The following FAF1 variants were observed in gnomAD, a reference collection of about 807,000 sequenced individuals.
FAF1 encodes FAS-associated factor 1.
In FAF1, 25 loss-of-function variants were observed where a neutral mutation model predicts 92.5. The observed-to-expected ratio is 0.27, with a 90% CI of 0.20 to 0.38. FAF1 has a LOEUF of 0.38. FAF1 is among the 10% of genes least tolerant of loss of function. The probability of loss-of-function intolerance (pLI) is 1.00; values close to 1 mark genes in which losing one functional copy is unlikely to be tolerated. For synonymous variants in FAF1, 234 were observed against 273.2 expected (o/e 0.86, Z 1.42); for missense variants, 636 against 793.3 (o/e 0.80, Z 2.38).
At chr1:50,459,249 C>T (rs1019331821) in intron 18 of FAF1, among the ~76,000 whole-genome samples, 2 of 152,068 alleles carry the variant, frequency 1.3e-5, no homozygotes, top group African/African-American at 2.4e-5. Context: ...GCTGGGATTA[C>T]AGGTATGAGC....
intron 17 of FAF1, among the ~76,000 whole-genome samples, chr1:50,481,968 T>A (rs1371010528): frequency 6.6e-6 from 1 of 152,130 alleles, no homozygotes; most frequent in African/African-American, 2.4e-5. Context: ...ATATATGGCT[T>A]TGGGAAGGAC....
intron 8 of FAF1, among the ~76,000 whole-genome samples, chr1:50,632,097 C>T (rs1653815861): frequency 6.6e-6 from 1 of 152,080 alleles, no homozygotes; most frequent in Non-Finnish European, 1.5e-5. Flanking sequence ...AGGGGGACTA[C>T]TGTATATCAA....
chr1:50,443,437 G>A (rs1443283786), intron 18 of FAF1, among the ~76,000 whole-genome samples: 1 of 152,182 alleles, frequency 6.6e-6, no homozygotes, highest in African/African-American at 2.4e-5. Context: ...CCTACTATAT[G>A]CCAGACAACA....
chr1:50,874,852 C>G (rs1644557902), intron 1 of FAF1, among the ~76,000 whole-genome samples: 1 of 143,624 alleles, frequency 7.0e-6, no homozygotes, highest in Admixed American at 7.2e-5. Flanking sequence ...TCACTGCAGC[C>G]TCAACCTCCC....
At chr1:50,692,153 A>G (rs1349691212) in intron 7 of FAF1, among the ~76,000 whole-genome samples, 5 of 151,784 alleles carry the variant, frequency 3.3e-5, no homozygotes, top group African/African-American at 1.2e-4. Context: ...GAGTTCGAGC[A>G]TGCAGTGAGC....
intron 8 of FAF1, among the ~76,000 whole-genome samples, chr1:50,632,562 C>T (rs1185363669): frequency 6.6e-6 from 1 of 152,176 alleles, no homozygotes; most frequent in Admixed American, 6.5e-5. Flanking sequence ...TCCAGTTTAA[C>T]TGTGAATTAC....
intron 8 of FAF1, among the ~76,000 whole-genome samples, chr1:50,618,766 T>G (rs1316696252): frequency 1.3e-5 from 2 of 151,634 alleles, no homozygotes; most frequent in Non-Finnish European, 2.9e-5. Context: ...TTTTTTTTTT[T>G]GAGACAGAGT....
intron 12 of FAF1, among the ~76,000 whole-genome samples, chr1:50,573,781 G>A (rs1650570306): frequency 6.6e-6 from 1 of 151,238 alleles, no homozygotes; most frequent in Non-Finnish European, 1.5e-5. Flanking sequence ...ATCTTGCATA[G>A]GGAGCACTGT....
At chr1:50,452,144 T>TAC (rs1646300814) in intron 18 of FAF1, 2 of 1,349,488 alleles carry the variant, frequency 1.5e-6, no homozygotes, top group African/African-American at 3.0e-5. Flanking sequence ...AAAATGAATA[T>TAC]ACAAAGAACG....
At chr1:50,503,472 T>A (rs751595344) in intron 15 of FAF1, among the ~76,000 whole-genome samples, 1 of 151,940 alleles carries the variant, frequency 6.6e-6, no homozygotes, top group Non-Finnish European at 1.5e-5. Flanking sequence ...TTTAAAACAA[T>A]TAGCTGGGTG....
intron 7 of FAF1, among the ~76,000 whole-genome samples, chr1:50,674,245 C>T (rs566086684): frequency 6.6e-5 from 10 of 151,924 alleles, no homozygotes; most frequent in Middle Eastern, 3.4e-3. Context: ...GCCATTGCTC[C>T]GGGCCCCAAG....
intron 6 of FAF1, among the ~76,000 whole-genome samples, chr1:50,729,867 A>G (rs2124471354): frequency 6.6e-6 from 1 of 152,140 alleles, no homozygotes; most frequent in South Asian, 2.1e-4. Context: ...CTAAAAATAC[A>G]AAAATTAGCT....
chr1:50,552,436 G>C (rs1465411800), intron 13 of FAF1, among the ~76,000 whole-genome samples: 1 of 152,056 alleles, frequency 6.6e-6, no homozygotes, highest in Non-Finnish European at 1.5e-5. Flanking sequence ...TAATCATCAT[G>C]ATGCTCTGAA....
chr1:50,640,603 T>G (rs532738209), intron 8 of FAF1, among the ~76,000 whole-genome samples: 1 of 152,178 alleles, frequency 6.6e-6, no homozygotes, highest in South Asian at 2.1e-4. Context: ...GCTTTTCTAG[T>G]TTTCTATTTC....
intron 15 of FAF1, among the ~76,000 whole-genome samples, chr1:50,505,692 T>C (rs1164952515): frequency 1.3e-5 from 2 of 152,212 alleles, no homozygotes; most frequent in Non-Finnish European, 2.9e-5. Context: ...TATGGCTGCT[T>C]TTGTGCTACA....
chr1:50,886,633 G>GT (rs567760743), intron 1 of FAF1, among the ~76,000 whole-genome samples: 136 of 152,068 alleles, frequency 8.9e-4, no homozygotes, highest in Non-Finnish European at 1.4e-3. Context: ...GTGGTGTTTG[G>GT]TTTTTTCTCC....
chr1:50,713,317 A>G (rs1658026107), intron 6 of FAF1, among the ~76,000 whole-genome samples: 4 of 151,456 alleles, frequency 2.6e-5, no homozygotes, highest in Admixed American at 6.6e-5. Context: ...TCTGTCACCC[A>G]GGCTGGAGTG....
At chr1:50,849,571 C>T (rs1644331005) in intron 2 of FAF1, among the ~76,000 whole-genome samples, 3 of 152,034 alleles carry the variant, frequency 2.0e-5, no homozygotes, top group Admixed American at 2.0e-4. Flanking sequence ...TGCCACACTC[C>T]TAAAATATAG....
At chr1:50,758,500 A>G (rs1660175872) in intron 4 of FAF1, among the ~76,000 whole-genome samples, 1 of 152,244 alleles carries the variant, frequency 6.6e-6, no homozygotes, top group African/African-American at 2.4e-5. Flanking sequence ...GCTATAATAC[A>G]TTGCTATAAT....
Sources: gnomAD v4.1 joint callset for allele counts (sites outside exome capture counted in the v4.1 genomes callset) on GRCh38, gnomAD v4.1.1 for gene constraint, MANE v1.5 for transcripts, NCBI Gene and HGNC (gene_info 2026-07-23, HGNC 2026-07-21) for gene names.